Variants in ATP8B3 observed in about 807,000 individuals in gnomAD.
ATP8B3 encodes ATPase phospholipid transporting 8B3, also known as phospholipid-transporting ATPase IK.
A neutral mutation model predicts 140.9 loss-of-function variants in ATP8B3; 141 were observed. That is an observed-to-expected ratio of 1.00 (90% confidence interval 0.87 to 1.15). The LOEUF is 1.15. Ranked by LOEUF, ATP8B3 falls within the 50% of genes most tolerant of loss-of-function variation. The probability of loss-of-function intolerance (pLI) is 0.00; values close to 1 mark genes in which losing one functional copy is unlikely to be tolerated. For synonymous variants in ATP8B3, 765 were observed against 714.6 expected, an observed-to-expected ratio of 1.07 and a Z score of -1.13; for missense variants, 1,874 against 1,740.6, an observed-to-expected ratio of 1.08 and a Z score of -1.36.
chr19:1,797,312 G>A (rs969637505), intron 14 of ATP8B3, among the ~76,000 whole-genome samples: 2 of 150,844 alleles, frequency 1.3e-5, no homozygotes, highest in African/African-American at 4.9e-5. Context: ...AGCCTGGAGC[G>A]GGATGCGGGC....
At chr19:1,789,150 C>T (rs775045978) in intron 23 of ATP8B3, 30 bp from the exon 24 acceptor site, 66 of 1,515,336 alleles carry the variant, frequency 4.4e-5, no homozygotes, top group East Asian at 3.2e-4. Context: ...GGTCAGCCCC[C>T]CGCACGCCCC....
chr19:1,801,895 G>T, intron 12 of ATP8B3, 61 bp downstream of exon 12: 1 of 1,298,062 alleles, frequency 7.7e-7, no homozygotes, highest in Non-Finnish European at 1.1e-6. Context: ...CCTGGAAGAT[G>T]ACATCCCTGA....
intron 10 of ATP8B3, among the ~76,000 whole-genome samples, chr19:1,803,835 G>T (rs1401059014): frequency 6.7e-6 from 1 of 148,812 alleles, no homozygotes; most frequent in African/African-American, 2.5e-5. Flanking sequence ...GGCGGAGGTT[G>T]CCGTGAACCA....
rs561630410 is a variant in ATP8B3 at position 1,795,127 on chromosome 19, C to T, written c.2055+748G>A. Among the ~76,000 whole-genome samples the T allele has an allele frequency of 3.0e-4, 46 of 152,100 alleles. 1 individual carries two copies. The South Asian group carries it at 8.7e-3, about 29-fold the overall frequency. ...AAAATTGGCCGGGCGTGGTGGCGGGCGCCTGTAGTCTCAGCTACTCAGGAG... is the reference window on the plus strand; with the variant it reads ...AAAATTGGCCGGGCGTGGTGGCGGGTGCCTGTAGTCTCAGCTACTCAGGAG... On this transcript the variant is annotated intron_variant, in intron 18 of 28. Coordinates refer to ENST00000310127, the MANE Select transcript of ATP8B3 (RefSeq NM_138813.4).
intron 14 of ATP8B3, 67 bp from the exon 15 acceptor site, chr19:1,797,072 G>A (rs2068703214): frequency 1.2e-6 from 2 of 1,606,648 alleles, no homozygotes; most frequent in Non-Finnish European, 1.7e-6. Flanking sequence ...CATAGCCCCT[G>A]ACCCCTAGTT....
At position 1,800,543 on chromosome 19, in the gene ATP8B3, G is replaced by A. The variant is rs372476301; in HGVS notation, c.1153-94C>T. 2.6e-6 allele frequency: 3 copies of A among 1,149,550 alleles called. No homozygotes were observed. The highest frequency in any genetic ancestry group is 3.7e-6 in the Non-Finnish European group (3 of 803,224). The allele number at this position is 1,149,550 out of a possible 1,614,324, so 71.2% of individuals were successfully genotyped here. ...AAACACAAAGATAAGGCTGGGGCTG[G>A]GCACAGTGGCTCATGCCTGTAATCT... On this transcript the variant is annotated intron_variant, in intron 12 of 28. Transcript: ENST00000310127. The surrounding 1 kb of genome is among the most constrained non-coding windows in gnomAD (Gnocchi z 4.4).
chr19:1,790,650 CTT>C, intron 21 of ATP8B3, 105 bp downstream of exon 21: 2 of 841,358 alleles, frequency 2.4e-6, no homozygotes, highest in South Asian at 2.0e-5. Context: ...CAATCCCCCC[CTT>C]CCCACTGTGC....
At position 1,785,243 on chromosome 19, in the gene ATP8B3, TGAG is replaced by T. The variant is rs781655903; in HGVS notation, c.3445_3447del (p.Leu1149del). The T allele has an allele frequency of 2.5e-6, 4 of 1,609,756 alleles. No individual in the cohort carries two copies. Among genetic ancestry groups the T allele is most frequent in the Admixed American group, 3.4e-5 (2 of 59,350 alleles). ...GTCATGATGGCGTAGAAACCAAGGC[TGAG>T]GAGGATGGTCGCCACGCACAGGGCG... On this transcript the variant is annotated inframe_deletion, in exon 27 of 29. Coordinates refer to ENST00000310127, the MANE Select transcript of ATP8B3 (RefSeq NM_138813.4).
chr19:1,784,809 C>T lies in ATP8B3; in HGVS notation c.3660+10G>A. On this transcript the variant is annotated intron_variant, in intron 28 of 28. Coordinates refer to ENST00000310127, the MANE Select transcript of ATP8B3 (RefSeq NM_138813.4). ...ACCAGATGAGGACCCCAGGCCCAGG[C>T]CCACCTCACCTTGGCACGTAGCTCC... 1.3e-6 allele frequency: 2 copies of T among 1,591,196 alleles called. No individual in the cohort carries two copies. The highest frequency in any genetic ancestry group is 1.7e-6 in the Non-Finnish European group (2 of 1,169,290).
chr19:1,810,716 T>A, intron 2 of ATP8B3, 33 bp from the exon 3 acceptor site: 1 of 1,602,076 alleles, frequency 6.2e-7, no homozygotes, highest in Non-Finnish European at 8.5e-7. Flanking sequence ...GTCACAGCAG[T>A]GACCCCAGCC....
At position 1,805,535 on chromosome 19, in the gene ATP8B3, C is replaced by G; in HGVS notation, c.822-79G>C. Reference sequence around the variant, plus strand: ...AGCCCCCAGACCCCTTCTGGAGTCACTCAAACATTTTCACTGAGCACCTAC... The same window carrying G: ...AGCCCCCAGACCCCTTCTGGAGTCAGTCAAACATTTTCACTGAGCACCTAC... On this transcript the variant is annotated intron_variant, in intron 9 of 28. Transcript: ENST00000310127. This position sits in a 1 kb window ranked among gnomAD's most constrained non-coding sequence, Gnocchi z 5.2. 4 of 1,260,206 alleles carry G rather than the reference C, an allele frequency of 3.2e-6. No homozygotes were observed. Among genetic ancestry groups the G allele is most frequent in the Non-Finnish European group, 4.5e-6 (4 of 883,858 alleles). 78.1% of individuals were successfully genotyped at this position (1,260,206 alleles called of 1,614,324 possible).
At chr19:1,797,060 C>T in intron 14 of ATP8B3, 55 bp from the exon 15 acceptor site, 1 of 1,610,918 alleles carries the variant, frequency 6.2e-7, no homozygotes, top group Admixed American at 1.7e-5. Context: ...CATTCGGGAT[C>T]CCATAGCCCC....
In ATP8B3 at chr19:1,811,711, G is replaced by C. The variant is rs770054571; in HGVS notation, c.26C>G (p.Pro9Arg). 7.5e-6 allele frequency: 12 copies of C among 1,602,158 alleles called. No homozygotes were observed. The highest frequency in any genetic ancestry group is 9.3e-6 in the Non-Finnish European group (11 of 1,178,182). MGTGPAQT[P>R]RSTRAGPEPS... is the part of the protein sequence containing the mutation. ...CTCAGGGCCAGCTCTGGTGCTCCTG[G>C]GAGTCTGAGCGGGGCCAGTGCCCAT... The change falls in exon 2 of 29, where the codon CCC (proline) becomes CGC (arginine). Residue 9 changes from proline (P) to arginine (R), a missense_variant. Physicochemically the swap from Pro to Arg is moderately radical, Grantham distance 103. Coordinates refer to ENST00000310127, the MANE Select transcript of ATP8B3 (RefSeq NM_138813.4).
In ATP8B3 at chr19:1,807,308, C is replaced by G. The variant is rs1216572296; in HGVS notation, c.517-42G>C. 6.6e-7 allele frequency: 1 copy of G among 1,518,094 alleles called. No homozygotes were observed. The highest frequency in any genetic ancestry group is 1.1e-5 in the South Asian group (1 of 88,412). 94.0% of individuals were successfully genotyped at this position (1,518,094 alleles called of 1,614,324 possible). ...ACAGGAAGGGTCACACCAGCCCACT[C>G]CCCCGTCCCCTGCCCTTCCACCAAG... On this transcript the variant is annotated intron_variant, in intron 5 of 28. Transcript: ENST00000310127. This position sits in a 1 kb window ranked among gnomAD's most constrained non-coding sequence, Gnocchi z 5.9.
chr19:1,810,564 A>G (rs2069158787), intron 3 of ATP8B3, 58 bp downstream of exon 3: 13 of 1,541,064 alleles, frequency 8.4e-6, no homozygotes, highest in Non-Finnish European at 1.1e-5. Flanking sequence ...ACGCCTGGCC[A>G]GCCCTGAACT....
intron 24 of ATP8B3, among the ~76,000 whole-genome samples, chr19:1,788,526 T>C (rs746614184): frequency 3.3e-5 from 5 of 152,148 alleles, no homozygotes; most frequent in Non-Finnish European, 7.4e-5. Flanking sequence ...GGTACACGCC[T>C]GTAATCCCAG....
At chr19:1,803,758 T>C (rs555244407) in intron 10 of ATP8B3, among the ~76,000 whole-genome samples, 1 of 151,810 alleles carries the variant, frequency 6.6e-6, no homozygotes, top group East Asian at 2.0e-4. Flanking sequence ...TAGCTGGGCG[T>C]GGTGGCGGGC....
At chr19:1,799,774 A>AG in intron 14 of ATP8B3, 173 bp downstream of exon 14, 2 of 675,408 alleles carry the variant, frequency 3.0e-6, no homozygotes, top group East Asian at 5.5e-5. Flanking sequence ...CAAAAAAAAA[A>AG]AAAAATTTTC....
In ATP8B3 at chr19:1,807,589, TC is replaced by T. The variant is rs2069066186; in HGVS notation, c.517-324del. Among the ~76,000 whole-genome samples the T allele has an allele frequency of 6.6e-6, 1 of 152,124 alleles. No homozygotes were observed. Among genetic ancestry groups the T allele is most frequent in the Admixed American group, 6.5e-5 (1 of 15,272 alleles). On this transcript the variant is annotated intron_variant, in intron 5 of 28. Transcript: ENST00000310127. The surrounding 1 kb of genome is among the most constrained non-coding windows in gnomAD (Gnocchi z 5.9). The stretch of plus-strand genomic sequence containing the variant: ...GCCACTGCTCCCCCTCCCTCCCATG[TC>T]CCTGCTTCCCCAGGTCACCCTGCAG...
Sources: allele counts gnomAD v4.1 joint callset (sites outside exome capture counted in the v4.1 genomes callset), GRCh38; gene constraint gnomAD v4.1.1; non-coding constraint Gnocchi (gnomAD v3.1); transcripts MANE v1.5; gene names NCBI Gene and HGNC (gene_info 2026-07-23, HGNC 2026-07-21).